The following MAP7D2 variants were observed in gnomAD, a reference collection of about 807,000 sequenced individuals.
MAP7D2 encodes MAP7 domain-containing protein 2.
MAP7D2 carries 33 observed loss-of-function variants against 63.5 expected under a neutral mutation model. The ratio of observed to expected loss-of-function variants is 0.52; its 90% CI spans 0.39 to 0.70. The LOEUF (loss-of-function observed/expected upper bound fraction) is 0.70, where lower values mean the gene tolerates loss of function less well. MAP7D2 is among the 30% of genes least tolerant of loss of function. MAP7D2 has a pLI of 0.00. For missense variants in MAP7D2, 626 were observed against 604.0 expected (o/e 1.04, Z -0.38); for synonymous variants, 224 against 223.7 (o/e 1.00, Z -0.01).
chrX:20,039,827 C>G (rs774234345), intron 8 of MAP7D2, among the ~76,000 whole-genome samples: 1 of 109,523 alleles, frequency 9.1e-6, no homozygotes, highest in Non-Finnish European at 1.9e-5. Flanking sequence ...GGTGAAACCC[C>G]GTCTCTACTA....
intron 3 of MAP7D2, among the ~76,000 whole-genome samples, chrX:20,058,896 C>G (rs904017539): frequency 8.9e-5 from 10 of 112,001 alleles, no homozygotes; most frequent in Non-Finnish European, 1.7e-4. Flanking sequence ...TCAGTATTGC[C>G]TCGTGTTTGT....
rs139258333 is a variant in MAP7D2 at position 20,052,850 on chromosome X, G to C, written c.595+28C>G. ...CTCACACCAGAAAAGAAACAAACTA[G>C]AGAGACCAAGTCTACATGTTCACTT... On this transcript the variant is annotated intron_variant, in intron 5 of 16. Coordinates refer to ENST00000379643, the MANE Select transcript of MAP7D2 (RefSeq NM_001168465.2). The C allele has an allele frequency of 3.2e-3, 3,478 of 1,087,852 alleles. 4 individuals carry two copies. Among genetic ancestry groups the C allele is most frequent in the Middle Eastern group, 6.6e-3 (27 of 4,098 alleles). The allele number at this position is 1,087,852 out of a possible 1,213,427, so 89.7% of individuals were successfully genotyped here.
In MAP7D2 at chrX:20,063,583, G is replaced by A. The variant is rs2065275877; in HGVS notation, c.209-6C>T. 2 of 1,208,252 alleles carry A rather than the reference G, an allele frequency of 1.7e-6. No homozygotes were observed. The highest frequency in any genetic ancestry group is 3.0e-5 in the East Asian group (1 of 33,767). On this transcript the variant is annotated splice_region_variant and splice_polypyrimidine_tract_variant and intron_variant, in intron 2 of 16. Coordinates refer to ENST00000379643, the MANE Select transcript of MAP7D2 (RefSeq NM_001168465.2). The stretch of plus-strand genomic sequence containing the variant: ...GATCTGTTGCTCCCGAGCAGCTGGG[G>A]AAGGAAAGTAGAAGAGAGGTGTCAT...
At chrX:20,017,694 T>C (rs898063329) in intron 10 of MAP7D2, among the ~76,000 whole-genome samples, 4 of 112,178 alleles carry the variant, frequency 3.6e-5, no homozygotes, top group African/African-American at 6.5e-5. Flanking sequence ...AGGAGCATTA[T>C]AGAACCTATC....
chrX:20,113,693 G>A (rs1264387301), intron 1 of MAP7D2, among the ~76,000 whole-genome samples: 2 of 110,506 alleles, frequency 1.8e-5, no homozygotes, highest in Non-Finnish European at 3.8e-5. Flanking sequence ...TTTAATTTTT[G>A]TGGCTACATA....
chrX:20,048,026 G>C (rs995670542), intron 6 of MAP7D2, among the ~76,000 whole-genome samples: 4 of 110,770 alleles, frequency 3.6e-5, no homozygotes, highest in African/African-American at 1.3e-4. Context: ...AAGACACCTT[G>C]GCCAAGGGTC....
At chrX:20,022,697 C>G (rs1020233464) in intron 10 of MAP7D2, among the ~76,000 whole-genome samples, 2 of 111,587 alleles carry the variant, frequency 1.8e-5, no homozygotes, top group African/African-American at 6.5e-5. Context: ...GATGGGAACA[C>G]AGAGCTCATG....
rs183830807 is a variant in MAP7D2 at position 20,042,112 on chromosome X, G to C, written c.1007+390C>G. ...TGATCATGGCTGACAAGTTATTATT[G>C]TCTCTCTATTAAAGAGAGAGACAAC... On this transcript the variant is annotated intron_variant, in intron 8 of 16. Coordinates refer to ENST00000379643, the MANE Select transcript of MAP7D2 (RefSeq NM_001168465.2). Among the ~76,000 whole-genome samples, 175 of 111,125 alleles carry C rather than the reference G, an allele frequency of 1.6e-3. 1 individual carries two copies. Among genetic ancestry groups the C allele is most frequent in the Non-Finnish European group, 3.0e-3 (160 of 52,988 alleles).
At chrX:20,053,126 T>A (rs1241307896) in intron 4 of MAP7D2, 138 bp from the exon 5 acceptor site, 1 of 461,073 alleles carries the variant, frequency 2.2e-6, no homozygotes, top group Non-Finnish European at 3.8e-6. Context: ...GCTTTCATCA[T>A]CCTGGCATCT....
intron 11 of MAP7D2, among the ~76,000 whole-genome samples, chrX:20,015,887 G>A (rs1294828287): frequency 9.0e-6 from 1 of 111,595 alleles, no homozygotes; most frequent in Non-Finnish European, 1.9e-5. Flanking sequence ...CTTAGCCCAG[G>A]GTTTGCCTTT....
chrX:20,114,514 T>C (rs2066838241), intron 1 of MAP7D2, among the ~76,000 whole-genome samples: 1 of 112,668 alleles, frequency 8.9e-6, no homozygotes, highest in Non-Finnish European at 1.9e-5. Context: ...AGCACTAAAA[T>C]GGACAGTAGA....
At chrX:20,061,994 C>G (rs1000643241) in intron 3 of MAP7D2, among the ~76,000 whole-genome samples, 2 of 112,274 alleles carry the variant, frequency 1.8e-5, no homozygotes, top group African/African-American at 6.5e-5. Flanking sequence ...AAGGAGAAAT[C>G]TGTCCCAAGT....
chrX:20,093,061 G>A (rs1226766496), intron 1 of MAP7D2, among the ~76,000 whole-genome samples: 5 of 111,626 alleles, frequency 4.5e-5, no homozygotes, highest in South Asian at 3.8e-4. Context: ...GGCCTAGCTC[G>A]CAGTTCCCAC....
intron 1 of MAP7D2, among the ~76,000 whole-genome samples, chrX:20,102,537 G>T (rs903534330): frequency 4.5e-5 from 5 of 111,277 alleles, no homozygotes; most frequent in African/African-American, 1.6e-4. Context: ...TCCAACAGCA[G>T]TTTAGAATAT....
chrX:20,089,753 C>T (rs1284677158), intron 1 of MAP7D2, among the ~76,000 whole-genome samples: 2 of 112,616 alleles, frequency 1.8e-5, no homozygotes, highest in Non-Finnish European at 3.7e-5. Context: ...TTACAATGTA[C>T]ATATTTCTGT....
intron 1 of MAP7D2, among the ~76,000 whole-genome samples, chrX:20,113,671 T>A (rs1179464186): frequency 4.5e-5 from 5 of 111,787 alleles, no homozygotes; most frequent in African/African-American, 1.6e-4. Context: ...CTTTTTTTTT[T>A]ATTTTACAAT....
intron 1 of MAP7D2, among the ~76,000 whole-genome samples, chrX:20,109,248 A>G (rs7884058): frequency 0.39 from 42,173 of 108,942 alleles, 9,020 homozygotes; most frequent in African/African-American, 0.82. Flanking sequence ...TGGGTCAGTC[A>G]TGGTGGCTCA....
chrX:20,096,081 CAAAAAA>C (rs1208579984), intron 1 of MAP7D2, among the ~76,000 whole-genome samples: 25 of 14,892 alleles, frequency 1.7e-3, no homozygotes, highest in African/African-American at 6.0e-3. Flanking sequence ...GACTCTTCCT[CAAAAAA>C]AAAAAAAAAA....
At chrX:20,050,325 T>G (rs1164352363) in intron 6 of MAP7D2, among the ~76,000 whole-genome samples, 1 of 112,122 alleles carries the variant, frequency 8.9e-6, no homozygotes, top group Admixed American at 9.4e-5. Flanking sequence ...TAGAAACTTC[T>G]CAAAGTTTCT....
Sources: gnomAD v4.1 joint callset for allele counts (sites outside exome capture counted in the v4.1 genomes callset) on GRCh38, gnomAD v4.1.1 for gene constraint, MANE v1.5 for transcripts, NCBI Gene and HGNC (gene_info 2026-07-23, HGNC 2026-07-21) for gene names.